HOXA3: variants seen among roughly 807,000 people sequenced by gnomAD.
The protein encoded by HOXA3 is homeobox protein Hox-A3.
In HOXA3, 8 loss-of-function variants were observed where a neutral mutation model predicts 30.3. The observed-to-expected ratio is 0.26, with a 90% CI of 0.15 to 0.48. HOXA3 has a LOEUF of 0.48. Ranked by LOEUF, HOXA3 falls within the 20% of genes least tolerant of loss-of-function variation. The pLI, the probability that HOXA3 is intolerant of heterozygous loss-of-function variation, is 0.99. For missense variants in HOXA3, 653 were observed against 614.4 expected (o/e 1.06, Z -0.66); for synonymous variants, 323 against 273.1 (o/e 1.18, Z -1.80).
Position 27,110,722 on chromosome 7 carries a change from C to A in HOXA3, c.-82G>T. 1.9e-6 allele frequency: 3 copies of A among 1,572,990 alleles called. No individual in the cohort carries two copies. Among genetic ancestry groups the A allele is most frequent in the South Asian group, 1.1e-5 (1 of 89,198 alleles). ...GCGCACATTGGCACGCCCCCGCGGT[C>A]ACGTGACACTCCGCCGCCAATGGCC... is the stretch of plus-strand genomic sequence containing the variant. On this transcript the variant is annotated 5_prime_UTR_variant, in exon 5 of 6. The change abolishes the stop of an existing upstream ORF in the 5' untranslated region. Transcript: ENST00000612286.
rs199548066 is a variant in HOXA3, at chr7:27,130,719, C to T, written c.-389-3649G>A. The stretch of plus-strand genomic sequence containing the variant: ...CGATGTAGTTGGAGTTTATCAAAAA[C>T]GAGCTCATGGTCATTAATTTGTGAA... On this transcript the variant is annotated intron_variant, in intron 2 of 5. Transcript: ENST00000612286. 43 of 1,606,978 alleles carry T rather than the reference C, an allele frequency of 2.7e-5. No individual in the cohort carries two copies. In the Middle Eastern group the frequency reaches 4.9e-4, roughly 18 times the overall value.
intron 2 of HOXA3, chr7:27,130,913 C>G: frequency 1.5e-6 from 1 of 658,234 alleles, no homozygotes; most frequent in Non-Finnish European, 2.7e-6. Flanking sequence ...AAGTTCGAGC[C>G]GCTCCTCCCC....
chr7:27,110,498 G>C lies in HOXA3; in HGVS notation c.143C>G (p.Pro48Arg). The stretch of plus-strand genomic sequence containing the variant: ...GGAGGGAGACTGGAGGGAGCAGGCG[G>C]GTCGGTGGTACTCGCCGTCGGCGCC... ...ALGADGEYHR[P>R]ACSLQSPSSA... Residue 48 changes from proline to arginine, a missense_variant, in exon 5 of 6, where the codon CCC becomes CGC. Physicochemically the swap from Pro to Arg is moderately radical, Grantham distance 103. Coordinates refer to ENST00000612286, the MANE Select transcript of HOXA3 (RefSeq NM_153631.3). The C allele has an allele frequency of 6.2e-7, 1 of 1,605,090 alleles. No homozygotes were observed. Among genetic ancestry groups the C allele is most frequent in the South Asian group, 1.1e-5 (1 of 90,764 alleles).
Position 27,113,354 on chromosome 7 carries a change from T to C in HOXA3, c.-120-2594A>G, listed in dbSNP as rs1462263886. ...TTCCCTCACCCCAAATCTGAGCGGGTTCGTCGGATAGGAGCCCCGAGTCCC... is the reference window on the plus strand; with the variant it reads ...TTCCCTCACCCCAAATCTGAGCGGGCTCGTCGGATAGGAGCCCCGAGTCCC... On this transcript the variant is annotated intron_variant, in intron 4 of 5. Coordinates refer to ENST00000612286, the MANE Select transcript of HOXA3 (RefSeq NM_153631.3). This position sits in a 1 kb window ranked among gnomAD's most constrained non-coding sequence, Gnocchi z 4.8. 6.6e-6 allele frequency among the ~76,000 whole-genome samples: 1 copy of C among 152,030 alleles called. No homozygotes were observed. The highest frequency in any genetic ancestry group is 1.5e-5 in the Non-Finnish European group (1 of 68,004).
At chr7:27,137,616 G>A (rs996606652) in intron 2 of HOXA3, among the ~76,000 whole-genome samples, 3 of 152,090 alleles carry the variant, frequency 2.0e-5, no homozygotes, top group Non-Finnish European at 2.9e-5. Flanking sequence ...AAAATAGGAA[G>A]AAAGAAAAAA....
At chr7:27,112,696 C>G (rs951118272) in intron 4 of HOXA3, among the ~76,000 whole-genome samples, 1 of 152,194 alleles carries the variant, frequency 6.6e-6, no homozygotes. Context: ...TCTGCCATTA[C>G]AAATTTTTTA....
intron 2 of HOXA3, chr7:27,130,103 A>G: frequency 6.3e-7 from 1 of 1,588,334 alleles, no homozygotes; most frequent in Non-Finnish European, 8.5e-7. Flanking sequence ...GCGCCTCCCA[A>G]GCGGCGCCAC....
chr7:27,146,516 C>T (rs200695354), intron 1 of HOXA3, among the ~76,000 whole-genome samples: 116 of 152,228 alleles, frequency 7.6e-4, no homozygotes, highest in African/African-American at 2.7e-3. Flanking sequence ...TTTAACAATC[C>T]GCATTAGGCT....
In HOXA3 at chr7:27,107,555, C is replaced by T. The variant is rs1276093745; in HGVS notation, c.*360G>A. Reference sequence around the variant, plus strand: ...AAAGTAATCGCTTCCCCTCGGGAGCCATAATGTAAGAACAAATTCACATTG... The same window carrying T: ...AAAGTAATCGCTTCCCCTCGGGAGCTATAATGTAAGAACAAATTCACATTG... On this transcript the variant is annotated 3_prime_UTR_variant, in exon 6 of 6. Coordinates refer to ENST00000612286, the MANE Select transcript of HOXA3 (RefSeq NM_153631.3). The T allele has an allele frequency of 4.7e-6, 1 of 212,022 alleles. No homozygotes were observed. The highest frequency in any genetic ancestry group is 2.3e-5 in the African/African-American group (1 of 43,660). The allele number at this position is 212,022 out of a possible 1,614,324, so 13.1% of individuals were successfully genotyped here.
chr7:27,152,508 C>G lies in HOXA3; in HGVS notation c.-714G>C, dbSNP rs1783011485. ...CGGGGCTTCCCTTCGCTCGCCATCT[C>G]CGGACAAAGCACAGCCGAGCCCGGC... On this transcript the variant is annotated 5_prime_UTR_variant, in exon 1 of 6. Coordinates refer to ENST00000612286, the MANE Select transcript of HOXA3 (RefSeq NM_153631.3). 3 of 1,171,722 alleles carry G rather than the reference C, an allele frequency of 2.6e-6. No individual in the cohort carries two copies. Among genetic ancestry groups the G allele is most frequent in the Non-Finnish European group, 3.2e-6 (3 of 933,538 alleles). The allele number at this position is 1,171,722 out of a possible 1,614,324, so 72.6% of individuals were successfully genotyped here. A position where few individuals can be genotyped will look rare whatever the true frequency, so the allele number is the denominator to read the frequency against.
rs372285300 is a variant in HOXA3 at position 27,108,724 on chromosome 7, C to A, written c.527-4G>T. ...TTGTCGCCAGCGCAGCTTTCGCCTGCGAGGACAGAGAGAGGAAGAGCGGCG... is the reference window on the plus strand; with the variant it reads ...TTGTCGCCAGCGCAGCTTTCGCCTGAGAGGACAGAGAGAGGAAGAGCGGCG... On this transcript the variant is annotated splice_region_variant and splice_polypyrimidine_tract_variant and intron_variant, in intron 5 of 5. Transcript: ENST00000612286. This position sits in a 1 kb window ranked among gnomAD's most constrained non-coding sequence, Gnocchi z 5.0. 259 of 1,588,606 alleles carry A rather than the reference C, an allele frequency of 1.6e-4. 1 individual carries two copies. In the South Asian group the frequency reaches 1.8e-3, roughly 11 times the overall value.
chr7:27,147,465 C>T (rs1782811183), intron 1 of HOXA3: 1 of 1,614,118 alleles, frequency 6.2e-7, no homozygotes, highest in Non-Finnish European at 8.5e-7. Flanking sequence ...GGCCCCTCTG[C>T]TTGCCACTGC....
At chr7:27,136,423 T>C (rs1266601789) in intron 2 of HOXA3, among the ~76,000 whole-genome samples, 1 of 152,148 alleles carries the variant, frequency 6.6e-6, no homozygotes, top group African/African-American at 2.4e-5. Context: ...GGGAGAACCT[T>C]GCAAAAAGTG....
At chr7:27,145,985 C>G in intron 1 of HOXA3, 1 of 1,540,928 alleles carries the variant, frequency 6.5e-7, no homozygotes, top group Non-Finnish European at 8.7e-7. Flanking sequence ...AGCCCAGTGC[C>G]TCCCACAAGA....
chr7:27,145,485 T>G (rs1306580116), intron 1 of HOXA3: 12 of 776,062 alleles, frequency 1.5e-5, no homozygotes, highest in Admixed American at 7.3e-5. Context: ...TTGTTTTGTT[T>G]TGTTTTGTTT....
intron 3 of HOXA3, chr7:27,124,370 G>C (rs1785183706): frequency 6.6e-6 from 1 of 152,210 alleles, no homozygotes; most frequent in Non-Finnish European, 1.5e-5. Flanking sequence ...AACTGTCTGC[G>C]CATCCGTCCC....
At chr7:27,130,113 C>G (rs1201615492) in intron 2 of HOXA3, 1 of 1,595,966 alleles carries the variant, frequency 6.3e-7, no homozygotes, top group Non-Finnish European at 8.5e-7. Context: ...AGCGGCGCCA[C>G]GTACCGGCGC....
intron 2 of HOXA3, chr7:27,130,731 C>A: frequency 6.2e-7 from 1 of 1,605,094 alleles, no homozygotes; most frequent in South Asian, 1.1e-5. Flanking sequence ...AGCTCATGGT[C>A]ATTAATTTGT....
intron 3 of HOXA3, among the ~76,000 whole-genome samples, chr7:27,125,514 A>G (rs997448921): frequency 1.3e-5 from 2 of 152,266 alleles, no homozygotes; most frequent in African/African-American, 4.8e-5. Flanking sequence ...TCAAGGGAAC[A>G]GAACACACGT....
Sources: gnomAD v4.1 joint callset for allele counts (sites outside exome capture counted in the v4.1 genomes callset) on GRCh38, gnomAD v4.1.1 for gene constraint, Gnocchi (gnomAD v3.1) non-coding constraint, MANE v1.5 for transcripts, NCBI Gene and HGNC (gene_info 2026-07-23, HGNC 2026-07-21) for gene names.